Variants in ERG observed in about 807,000 individuals in gnomAD.
ERG encodes ETS transcription factor ERG.
In ERG, 9 loss-of-function variants were observed where a neutral mutation model predicts 55.3. The observed-to-expected ratio is 0.16, with a 90% confidence interval of 0.10 to 0.28. The LOEUF is 0.28. Ranked by LOEUF, ERG falls within the 10% of genes least tolerant of loss-of-function variation. ERG has a pLI of 1.00. For synonymous variants in ERG, 223 were observed against 237.3 expected (o/e 0.94, Z 0.55); for missense variants, 434 against 631.6 (o/e 0.69, Z 3.35).
intron 2 of ERG, among the ~76,000 whole-genome samples, chr21:38,431,149 C>T (rs1276419041): frequency 1.3e-5 from 2 of 152,134 alleles, no homozygotes; most frequent in Admixed American, 1.3e-4. Context: ...GAGAAAAGGA[C>T]ACGGCAAAGA....
intron 2 of ERG, among the ~76,000 whole-genome samples, chr21:38,510,706 T>C (rs1178329749): frequency 6.6e-6 from 1 of 152,198 alleles, no homozygotes; most frequent in African/African-American, 2.4e-5. Context: ...CTAATCCATA[T>C]CATTCTTAAT....
intron 3 of ERG, among the ~76,000 whole-genome samples, chr21:38,410,481 T>C (rs557649684): frequency 2.7e-4 from 41 of 152,332 alleles, no homozygotes; most frequent in African/African-American, 9.1e-4. Flanking sequence ...TTTGGTAAAT[T>C]GGAATTTAAA....
chr21:38,440,755 T>C (rs545135192), intron 2 of ERG, among the ~76,000 whole-genome samples: 13 of 144,042 alleles, frequency 9.0e-5, no homozygotes, highest in Middle Eastern at 3.7e-3. Flanking sequence ...TGCCATTGCA[T>C]TCCAGCCTGG....
intron 2 of ERG, among the ~76,000 whole-genome samples, chr21:38,529,657 T>A (rs993038116): frequency 6.6e-6 from 1 of 152,308 alleles, no homozygotes; most frequent in African/African-American, 2.4e-5. Flanking sequence ...TGTGTCTTTA[T>A]TTTTTCCATT....
chr21:38,453,882 C>A (rs201480083), intron 1 of ERG, among the ~76,000 whole-genome samples: 15 of 129,826 alleles, frequency 1.2e-4, no homozygotes, highest in Admixed American at 3.2e-4. Context: ...AAAACTCCAT[C>A]AAAAAAAAAA....
At chr21:38,455,502 C>T (rs2836414) in intron 1 of ERG, among the ~76,000 whole-genome samples, 1 of 152,070 alleles carries the variant, frequency 6.6e-6, no homozygotes, top group Admixed American at 6.5e-5. Context: ...TCAGAAGGAG[C>T]TCCGTGAAAA....
intron 9 of ERG, among the ~76,000 whole-genome samples, chr21:38,384,135 C>T (rs1601314754): frequency 6.6e-6 from 1 of 152,172 alleles, no homozygotes; most frequent in Admixed American, 6.5e-5. Context: ...TGAACAGAGC[C>T]GCCGCCTCGC....
At chr21:38,571,629 G>A (rs1432356967) in intron 2 of ERG, among the ~76,000 whole-genome samples, 3 of 152,192 alleles carry the variant, frequency 2.0e-5, no homozygotes. Flanking sequence ...ATCACTGACA[G>A]AGAAGCAGCT....
intron 3 of ERG, among the ~76,000 whole-genome samples, chr21:38,409,569 A>G (rs1221620639): frequency 6.6e-6 from 1 of 152,038 alleles, no homozygotes; most frequent in Non-Finnish European, 1.5e-5. Flanking sequence ...ACCAGGAAAA[A>G]TGGGAAAGGC....
At chr21:38,459,274 G>T (rs1382695257) in intron 1 of ERG, among the ~76,000 whole-genome samples, 2 of 152,168 alleles carry the variant, frequency 1.3e-5, no homozygotes, top group Admixed American at 6.5e-5. Context: ...CCACATAAGT[G>T]TCATTACTGG....
intron 1 of ERG, among the ~76,000 whole-genome samples, chr21:38,597,017 T>C (rs2060135400): frequency 6.6e-6 from 1 of 152,216 alleles, no homozygotes; most frequent in Admixed American, 6.5e-5. Context: ...CAGGGCTTCC[T>C]TTTATCCAGG....
At chr21:38,509,397 C>T (rs1424866049) in intron 2 of ERG, among the ~76,000 whole-genome samples, 1 of 152,210 alleles carries the variant, frequency 6.6e-6, no homozygotes, top group African/African-American at 2.4e-5. Flanking sequence ...GCCAAACAAA[C>T]AACTTGCATA....
intron 1 of ERG, among the ~76,000 whole-genome samples, chr21:38,484,257 G>A (rs2059263879): frequency 6.6e-6 from 1 of 152,204 alleles, no homozygotes; most frequent in Non-Finnish European, 1.5e-5. Context: ...GAGCCACCGC[G>A]CCCGGTCGGG....
At chr21:38,512,849 C>T (rs968014329) in intron 2 of ERG, among the ~76,000 whole-genome samples, 14 of 152,014 alleles carry the variant, frequency 9.2e-5, no homozygotes, top group African/African-American at 1.9e-4. Flanking sequence ...TTAAAACCTA[C>T]GGGCCAGGCG....
At chr21:38,521,819 T>C (rs2059596904) in intron 2 of ERG, among the ~76,000 whole-genome samples, 1 of 152,190 alleles carries the variant, frequency 6.6e-6, no homozygotes, top group African/African-American at 2.4e-5. Context: ...CACCGTAAGT[T>C]TGATCAGATA....
Position 38,391,718 on chromosome 21 carries a change from G to A in ERG, c.815-3C>T. 1 of 1,613,412 alleles carries A rather than the reference G, an allele frequency of 6.2e-7. No homozygotes were observed. Among genetic ancestry groups the A allele is most frequent in the African/African-American group, 1.3e-5 (1 of 75,020 alleles). On this transcript the variant is annotated splice_polypyrimidine_tract_variant and splice_region_variant and intron_variant, in intron 7 of 9. Transcript: ENST00000288319. ...TGTGGAAGGAGATGGTTGAGCAGCT[G>A]AAAATCCAGAAATACAAAAGGCAAT...
In ERG at chr21:38,451,082, G is replaced by T. The variant is rs897220979; in HGVS notation, c.19-5461C>A. 1.6e-5 allele frequency: 7 copies of T among 449,856 alleles called. No homozygotes were observed. The Admixed American group carries it at 1.7e-4, about 11-fold the overall frequency. 27.9% of individuals were successfully genotyped at this position (449,856 alleles called of 1,614,324 possible). ...GAAAAGTCACACGGTGGAGTGTTTT[G>T]GTGCCTGCTCTTGCCATGAGAGATG... On this transcript the variant is annotated intron_variant, in intron 1 of 9. Transcript: ENST00000288319.
In ERG at chr21:38,403,797, C is replaced by G. The variant is rs536622831; in HGVS notation, c.389-88G>C. 77 of 1,279,714 alleles carry G rather than the reference C, an allele frequency of 6.0e-5. 1 individual carries two copies. The South Asian group carries it at 9.2e-4, about 15-fold the overall frequency. The allele number at this position is 1,279,714 out of a possible 1,614,324, so 79.3% of individuals were successfully genotyped here. On this transcript the variant is annotated intron_variant, in intron 3 of 9. Coordinates refer to ENST00000288319, the MANE Select transcript of ERG (RefSeq NM_182918.4). The stretch of plus-strand genomic sequence containing the variant: ...ATCCCCATCCACGTGGGATTTCTGA[C>G]CAGCTGCCTTCCACAAGCACAGCCT...
chr21:38,575,382 T>G (rs2146864371), intron 2 of ERG, among the ~76,000 whole-genome samples: 1 of 152,356 alleles, frequency 6.6e-6, no homozygotes. Context: ...TGTGCCATTA[T>G]GGAGTGAAGG....
Sources: allele counts gnomAD v4.1 joint callset (sites outside exome capture counted in the v4.1 genomes callset), GRCh38; gene constraint gnomAD v4.1.1; transcripts MANE v1.5; gene names NCBI Gene and HGNC (gene_info 2026-07-23, HGNC 2026-07-21).